Variants in SDC2 observed in about 807,000 individuals in gnomAD.
The protein encoded by SDC2 is syndecan 2.
Under a neutral mutation model 22.2 loss-of-function variants are expected in SDC2, and 13 were observed. The observed-to-expected ratio is 0.59, with a 90% CI of 0.38 to 0.93. The LOEUF (loss-of-function observed/expected upper bound fraction) is 0.93, where lower values mean the gene tolerates loss of function less well. Ranked by LOEUF, SDC2 falls within the 40% of genes least tolerant of loss-of-function variation. The pLI, the probability that SDC2 is intolerant of heterozygous loss-of-function variation, is 0.00. For missense variants in SDC2, 235 were observed against 246.8 expected (o/e 0.95, Z 0.32); for synonymous variants, 94 against 92.8 (o/e 1.01, Z -0.07).
chr8:96,506,298 G>A (rs1813237554), intron 1 of SDC2, among the ~76,000 whole-genome samples: 1 of 152,088 alleles, frequency 6.6e-6, no homozygotes, highest in Admixed American at 6.5e-5. Context: ...TTCTATCAGG[G>A]GAGAAAGTAA....
intron 1 of SDC2, among the ~76,000 whole-genome samples, chr8:96,581,163 C>G (rs1487389418): frequency 6.6e-6 from 1 of 152,212 alleles, no homozygotes; most frequent in Non-Finnish European, 1.5e-5. Context: ...TAGTAAATTA[C>G]TATAAATCAG....
At chr8:96,572,070 G>A (rs531749930) in intron 1 of SDC2, among the ~76,000 whole-genome samples, 17 of 152,246 alleles carry the variant, frequency 1.1e-4, no homozygotes, top group South Asian at 6.2e-4. Flanking sequence ...AAGCAGTCTC[G>A]TGGAGGCTGC....
chr8:96,595,261 G>A (rs185576772), intron 2 of SDC2, among the ~76,000 whole-genome samples: 163 of 152,330 alleles, frequency 1.1e-3, no homozygotes, highest in African/African-American at 3.7e-3. Context: ...ATTAAAATCA[G>A]TTGTGTCTTT....
rs1814448125 is a variant in SDC2 at position 96,574,119 on chromosome 8, A to G, written c.61-19361A>G. On this transcript the variant is annotated intron_variant, in intron 1 of 4. Coordinates refer to ENST00000302190, the MANE Select transcript of SDC2 (RefSeq NM_002998.4). The stretch of plus-strand genomic sequence containing the variant: ...TCTTAGCACCGTGCACACACCCTGC[A>G]CGGTGCTCAGTGAATAAATGAATTA... 2.1e-5 allele frequency among the ~76,000 whole-genome samples: 3 copies of G among 145,544 alleles called. No homozygotes were observed. The South Asian group carries it at 6.7e-4, about 33-fold the overall frequency.
In SDC2 at chr8:96,561,537, G is replaced by A. The variant is rs1260871877; in HGVS notation, c.61-31943G>A. 3.3e-5 allele frequency among the ~76,000 whole-genome samples: 5 copies of A among 152,290 alleles called. No individual in the cohort carries two copies. The East Asian group carries it at 9.6e-4, about 29-fold the overall frequency. ...GCGGCCTGATTGAGTTTATTCTCCA[G>A]ATGGCTATTACTCACAGGCCACTTA... On this transcript the variant is annotated intron_variant, in intron 1 of 4. Transcript: ENST00000302190.
chr8:96,606,774 G>C (rs937044277), intron 3 of SDC2, among the ~76,000 whole-genome samples: 1 of 152,216 alleles, frequency 6.6e-6, no homozygotes, highest in Non-Finnish European at 1.5e-5. Context: ...GATAATTTCT[G>C]TGTAAATAAT....
chr8:96,565,989 G>A (rs370340427), intron 1 of SDC2, among the ~76,000 whole-genome samples: 2 of 151,702 alleles, frequency 1.3e-5, no homozygotes, highest in East Asian at 1.9e-4. Context: ...TGTACACCAC[G>A]TACCAGCTGT....
At chr8:96,504,775 C>A (rs1485731208) in intron 1 of SDC2, among the ~76,000 whole-genome samples, 1 of 152,132 alleles carries the variant, frequency 6.6e-6, no homozygotes, top group Non-Finnish European at 1.5e-5. Flanking sequence ...AAATTTAGAA[C>A]TGGTTTTTAT....
chr8:96,567,155 A>G (rs959138781), intron 1 of SDC2, among the ~76,000 whole-genome samples: 7 of 152,214 alleles, frequency 4.6e-5, no homozygotes, highest in African/African-American at 1.7e-4. Flanking sequence ...CGTCTGGCCT[A>G]TATCTTTATT....
chr8:96,599,304 A>G (rs898278718), intron 2 of SDC2, among the ~76,000 whole-genome samples: 1 of 152,136 alleles, frequency 6.6e-6, no homozygotes, highest in East Asian at 1.9e-4. Flanking sequence ...CTCTTCCCTC[A>G]TACAGATTCA....
intron 1 of SDC2, among the ~76,000 whole-genome samples, chr8:96,555,345 A>G (rs1000816875): frequency 1.1e-4 from 17 of 152,260 alleles, no homozygotes; most frequent in Admixed American, 8.5e-4. Flanking sequence ...ACTTGGCTAG[A>G]TTTGAACAAA....
intron 1 of SDC2, among the ~76,000 whole-genome samples, chr8:96,496,319 A>G (rs1264278486): frequency 6.6e-6 from 1 of 152,166 alleles, no homozygotes. Flanking sequence ...AATATTTCTC[A>G]ATTTGAACCA....
intron 1 of SDC2, among the ~76,000 whole-genome samples, chr8:96,588,595 T>A (rs1814725380): frequency 6.6e-6 from 1 of 152,356 alleles, no homozygotes; most frequent in South Asian, 2.1e-4. Flanking sequence ...GTCTGTGATG[T>A]GATACAGAAA....
chr8:96,569,425 C>T (rs1418309753), intron 1 of SDC2, among the ~76,000 whole-genome samples: 1 of 152,154 alleles, frequency 6.6e-6, no homozygotes, highest in African/African-American at 2.4e-5. Flanking sequence ...GAGTACAGTA[C>T]ACCACACTTA....
At chr8:96,534,558 C>T (rs13279296) in intron 1 of SDC2, among the ~76,000 whole-genome samples, 25 of 152,256 alleles carry the variant, frequency 1.6e-4, no homozygotes, top group African/African-American at 6.0e-4. Context: ...CCTCAGCCTC[C>T]TGAGTAGCCA....
chr8:96,524,094 C>G (rs1813539678), intron 1 of SDC2, among the ~76,000 whole-genome samples: 1 of 152,186 alleles, frequency 6.6e-6, no homozygotes, highest in African/African-American at 2.4e-5. Flanking sequence ...TATTTCAGTA[C>G]TTGCGTTGGG....
chr8:96,510,281 G>A (rs2589183), intron 1 of SDC2, among the ~76,000 whole-genome samples: 32,235 of 152,098 alleles, frequency 0.21, 3,490 homozygotes, highest in African/African-American at 0.26. Context: ...CTGCACTTAA[G>A]TTCAGCAATT....
chr8:96,507,004 G>A (rs1220872726), intron 1 of SDC2, among the ~76,000 whole-genome samples: 2 of 126,970 alleles, frequency 1.6e-5, no homozygotes, highest in Admixed American at 7.8e-5. Context: ...GCGAGACTCT[G>A]TCTCAGGAAA....
chr8:96,545,920 C>G (rs1302599095), intron 1 of SDC2, among the ~76,000 whole-genome samples: 1 of 152,188 alleles, frequency 6.6e-6, no homozygotes, highest in Non-Finnish European at 1.5e-5. Context: ...GACACTAGAA[C>G]TCTAGCTGGG....
Sources: gnomAD v4.1 joint callset for allele counts (sites outside exome capture counted in the v4.1 genomes callset) on GRCh38, gnomAD v4.1.1 for gene constraint, MANE v1.5 for transcripts, NCBI Gene and HGNC (gene_info 2026-07-23, HGNC 2026-07-21) for gene names.